EPB41L3: variants seen among roughly 807,000 people sequenced by gnomAD.
EPB41L3 encodes erythrocyte membrane protein band 4.1 like 3.
In EPB41L3, 57 loss-of-function variants were observed where a neutral mutation model predicts 127.1. The observed-to-expected ratio is 0.45, with a 90% confidence interval of 0.36 to 0.56. EPB41L3 has a LOEUF of 0.56. Among genes scored for constraint, EPB41L3 ranks in the 20% least tolerant of loss-of-function variants. The probability of loss-of-function intolerance (pLI) is 0.00; values close to 1 mark genes in which losing one functional copy is unlikely to be tolerated. For synonymous variants in EPB41L3, 572 were observed against 549.5 expected, an observed-to-expected ratio of 1.04 and a Z score of -0.57; for missense variants, 1,273 against 1,372.2, an observed-to-expected ratio of 0.93 and a Z score of 1.14.
At chr18:5,445,103 C>A in intron 4 of EPB41L3, 37 bp downstream of exon 4, 1 of 1,530,058 alleles carries the variant, frequency 6.5e-7, no homozygotes, top group South Asian at 1.1e-5. Flanking sequence ...ATGAGCAGTT[C>A]AAGCCATCTT....
chr18:5,578,058 G>A (rs1025368938), intron 3 of EPB41L3, among the ~76,000 whole-genome samples: 13 of 152,052 alleles, frequency 8.5e-5, no homozygotes, highest in Non-Finnish European at 1.8e-4. Context: ...AAGCAAAGAG[G>A]GCCAGTTCCA....
intron 3 of EPB41L3, among the ~76,000 whole-genome samples, chr18:5,477,434 A>G (rs2087465849): frequency 6.6e-6 from 1 of 152,176 alleles, no homozygotes; most frequent in South Asian, 2.1e-4. Flanking sequence ...CAAGGGCAGG[A>G]GCTGGAGGCA....
intron 8 of EPB41L3, chr18:5,431,154 G>A (rs2078960007): frequency 6.6e-6 from 1 of 152,116 alleles, no homozygotes; most frequent in Admixed American, 6.5e-5. Flanking sequence ...TGACAAACAA[G>A]CAGAGACAGA....
chr18:5,398,470 T>C lies in EPB41L3; in HGVS notation c.2350-327A>G, dbSNP rs186195814. 1.6e-4 allele frequency: 70 copies of C among 433,194 alleles called. 1 individual carries two copies. The highest frequency in any genetic ancestry group is 1.2e-3 in the African/African-American group (59 of 49,212). The allele number at this position is 433,194 out of a possible 1,614,324, so 26.8% of individuals were successfully genotyped here. Reference sequence around the variant, plus strand: ...GGAAATAAAATGGAAAGTGTTTTAATGCTGACTTTGCACTGCGGTATTGAT... The same window carrying C: ...GGAAATAAAATGGAAAGTGTTTTAACGCTGACTTTGCACTGCGGTATTGAT... On this transcript the variant is annotated intron_variant, in intron 16 of 22. Coordinates refer to ENST00000341928, the MANE Select transcript of EPB41L3 (RefSeq NM_012307.5).
chr18:5,458,257 C>T (rs1424450524), intron 3 of EPB41L3, among the ~76,000 whole-genome samples: 3 of 152,104 alleles, frequency 2.0e-5, no homozygotes, highest in Non-Finnish European at 4.4e-5. Flanking sequence ...AAATGAAAAA[C>T]CTGTTTTTTA....
At chr18:5,506,405 C>A (rs2092206478) in intron 1 of EPB41L3, among the ~76,000 whole-genome samples, 1 of 152,144 alleles carries the variant, frequency 6.6e-6, no homozygotes, top group South Asian at 2.1e-4. Flanking sequence ...CCCGAGGCCT[C>A]TACATTTGCT....
At position 5,397,466 on chromosome 18, in the gene EPB41L3, T is replaced by C; in HGVS notation, c.2473-40A>G. On this transcript the variant is annotated intron_variant, in intron 17 of 22. Transcript: ENST00000341928. The surrounding 1 kb of genome is among the most constrained non-coding windows in gnomAD (Gnocchi z 4.1). ...ATTGTGGCATCAGTGTGACCATCCA[T>C]AAACCAAAGGTCAGAAAATAACTAA... The C allele has an allele frequency of 1.9e-6, 3 of 1,557,144 alleles. No individual in the cohort carries two copies. Among genetic ancestry groups the C allele is most frequent in the Non-Finnish European group, 2.6e-6 (3 of 1,152,134 alleles).
At chr18:5,433,786 C>A (rs980781992) in intron 7 of EPB41L3, 117 bp downstream of exon 7, 1 of 1,165,180 alleles carries the variant, frequency 8.6e-7, no homozygotes, top group Admixed American at 1.8e-5. Context: ...CATGGACCCA[C>A]ACTATGCTCA....
intron 1 of EPB41L3, among the ~76,000 whole-genome samples, chr18:5,492,004 C>A (rs898059808): frequency 2.0e-5 from 3 of 152,098 alleles, no homozygotes; most frequent in South Asian, 2.1e-4. Flanking sequence ...TTTTTAATGG[C>A]AAACTAATAT....
chr18:5,492,247 G>A (rs765003942), intron 1 of EPB41L3, among the ~76,000 whole-genome samples: 1 of 152,036 alleles, frequency 6.6e-6, no homozygotes, highest in Non-Finnish European at 1.5e-5. Flanking sequence ...TTGAACCTAG[G>A]AGGCAGAATT....
At chr18:5,424,167 A>G in intron 10 of EPB41L3, 95 bp downstream of exon 10, 1 of 868,314 alleles carries the variant, frequency 1.2e-6, no homozygotes, top group South Asian at 2.8e-5. Flanking sequence ...GAAGGGATAG[A>G]AAGAATAAAA....
chr18:5,611,423 C>T (rs954098400), intron 3 of EPB41L3, among the ~76,000 whole-genome samples: 2 of 152,120 alleles, frequency 1.3e-5, no homozygotes, highest in African/African-American at 4.8e-5. Flanking sequence ...TAGTAAAATT[C>T]ATACAGACAG....
intron 1 of EPB41L3, among the ~76,000 whole-genome samples, chr18:5,536,154 A>G (rs1451144180): frequency 6.6e-6 from 1 of 152,180 alleles, no homozygotes; most frequent in Non-Finnish European, 1.5e-5. Flanking sequence ...AAAAGTCAGG[A>G]AATCTATGGT....
chr18:5,601,395 C>G lies in EPB41L3; in HGVS notation c.-306+10945G>C, dbSNP rs1243685496. 2.0e-5 allele frequency among the ~76,000 whole-genome samples: 3 copies of G among 152,198 alleles called. No homozygotes were observed. In the East Asian group the frequency reaches 5.8e-4, roughly 29 times the overall value. On this transcript the variant is annotated intron_variant, in intron 3 of 21. Transcript: ENST00000545076. Reference sequence around the variant, plus strand: ...CCCAGGGCTGGCTTTGCAACCCAACCTGCTGGAAGTGCAAAGTTCAGACCA... The same window carrying G: ...CCCAGGGCTGGCTTTGCAACCCAACGTGCTGGAAGTGCAAAGTTCAGACCA...
intron 3 of EPB41L3, among the ~76,000 whole-genome samples, chr18:5,577,049 G>A (rs1366180066): frequency 2.6e-5 from 4 of 152,170 alleles, no homozygotes; most frequent in Admixed American, 6.5e-5. Flanking sequence ...GGTGAGATAT[G>A]CTGTAGCTAG....
At chr18:5,547,115 C>T (rs925840382), upstream of EPB41L3, among the ~76,000 whole-genome samples, 4 of 152,126 alleles carry the variant, frequency 2.6e-5, no homozygotes, top group Non-Finnish European at 4.4e-5. Flanking sequence ...AAATAATGAG[C>T]TCTTCCACAC....
intron 9 of EPB41L3, among the ~76,000 whole-genome samples, chr18:5,427,884 T>A (rs1465582291): frequency 6.6e-6 from 1 of 152,142 alleles, no homozygotes; most frequent in South Asian, 2.1e-4. Flanking sequence ...TAGCTGGGAA[T>A]ATAGGCACCT....
At chr18:5,560,944 T>A (rs542966137) in intron 3 of EPB41L3, among the ~76,000 whole-genome samples, 5 of 428 alleles carry the variant, frequency 0.012, no homozygotes, top group Admixed American at 0.036. Context: ...GTTGTAATTA[T>A]TTATTTATTT....
intron 1 of EPB41L3, among the ~76,000 whole-genome samples, chr18:5,615,828 C>T (rs1406269569): frequency 6.6e-6 from 1 of 152,162 alleles, no homozygotes; most frequent in African/African-American, 2.4e-5. Context: ...AGCATGGCTT[C>T]TTAGTACTCC....
Sources: allele counts gnomAD v4.1 joint callset (sites outside exome capture counted in the v4.1 genomes callset), GRCh38; gene constraint gnomAD v4.1.1; non-coding constraint Gnocchi (gnomAD v3.1); transcripts MANE v1.5; gene names NCBI Gene and HGNC (gene_info 2026-07-23, HGNC 2026-07-21).